The following STARD13 variants were observed in gnomAD, a reference collection of about 807,000 sequenced individuals.
The protein encoded by STARD13 is StAR related lipid transfer domain containing 13, also known as stAR-related lipid transfer protein 13.
Under a neutral mutation model 106.4 loss-of-function variants are expected in STARD13, and 62 were observed. That is an observed-to-expected ratio of 0.58 (90% confidence interval 0.48 to 0.72). The LOEUF is 0.72. Among genes scored for constraint, STARD13 ranks in the 30% least tolerant of loss-of-function variants. STARD13 has a pLI of 0.00. For missense variants in STARD13, 1,387 were observed against 1,424.0 expected (o/e 0.97, Z 0.42); for synonymous variants, 565 against 553.0 (o/e 1.02, Z -0.31).
At chr13:33,672,999 A>T in the STARD13 span, among the ~76,000 whole-genome samples, 2,027 of 152,354 alleles carry the variant, frequency 0.013, 39 homozygotes, top group African/African-American at 0.045. Flanking sequence ...CAATTTAAGC[A>T]TATGCATAAG....
chr13:33,666,414 C>T, the STARD13 span, among the ~76,000 whole-genome samples: 2 of 152,176 alleles, frequency 1.3e-5, no homozygotes, highest in African/African-American at 2.4e-5. Context: ...CTGCCTCAGC[C>T]TCCCAAGTAG....
chr13:33,194,004 G>T (rs1332054511), intron 1 of STARD13, among the ~76,000 whole-genome samples: 1 of 143,632 alleles, frequency 7.0e-6, no homozygotes, highest in African/African-American at 2.4e-5. Context: ...AGGTTTTCAG[G>T]TTGTTTTTTT....
downstream of STARD13, among the ~76,000 whole-genome samples, chr13:33,344,269 T>C (rs1177845218): frequency 6.6e-6 from 1 of 152,244 alleles, no homozygotes; most frequent in Non-Finnish European, 1.5e-5. Context: ...TCTTCTTTTC[T>C]AATTTTAATT....
chr13:33,640,728 G>A, the STARD13 span, among the ~76,000 whole-genome samples: 1 of 152,224 alleles, frequency 6.6e-6, no homozygotes, highest in South Asian at 2.1e-4. Flanking sequence ...GAGGAAGTGA[G>A]TACATGAGAA....
At chr13:33,433,194 T>C in the STARD13 span, among the ~76,000 whole-genome samples, 2 of 152,238 alleles carry the variant, frequency 1.3e-5, no homozygotes, top group African/African-American at 2.4e-5. Flanking sequence ...ATAATATTGT[T>C]TCTCTTTTGC....
At chr13:33,534,748 T>C in the STARD13 span, among the ~76,000 whole-genome samples, 171 of 152,314 alleles carry the variant, frequency 1.1e-3, 3 homozygotes, top group East Asian at 0.029. Context: ...ACTGGGCCTG[T>C]TTTAACATTA....
chr13:33,212,640 C>T (rs992144663), intron 1 of STARD13, among the ~76,000 whole-genome samples: 1 of 152,192 alleles, frequency 6.6e-6, no homozygotes, highest in Non-Finnish European at 1.5e-5. Context: ...TTGAGGTTCT[C>T]AGGTTCTCAG....
At chr13:33,252,233 T>A (rs1890126385) in intron 1 of STARD13, among the ~76,000 whole-genome samples, 1 of 152,162 alleles carries the variant, frequency 6.6e-6, no homozygotes, top group South Asian at 2.1e-4. Context: ...CTTTAATCCC[T>A]CTCCGGTTGC....
the STARD13 span, among the ~76,000 whole-genome samples, chr13:33,440,767 A>ATT: frequency 0.033 from 1,957 of 60,100 alleles, 165 homozygotes; most frequent in Non-Finnish European, 0.047. Context: ...GAAAACAGCG[A>ATT]TTTTTTTTTT....
chr13:33,208,995 GACT>G (rs1474461462), intron 1 of STARD13, among the ~76,000 whole-genome samples: 1 of 152,208 alleles, frequency 6.6e-6, no homozygotes, highest in Non-Finnish European at 1.5e-5. Flanking sequence ...ACAGCTACAA[GACT>G]ACTGTTGTCA....
chr13:33,547,132 G>A, the STARD13 span, among the ~76,000 whole-genome samples: 2 of 152,066 alleles, frequency 1.3e-5, no homozygotes, highest in African/African-American at 2.4e-5. Context: ...ATGATACAGT[G>A]TTTTCTTTTT....
intron 3 of STARD13, 86 bp downstream of exon 3, chr13:33,165,251 C>T (rs1566040232): frequency 2.2e-5 from 22 of 1,022,736 alleles, no homozygotes; most frequent in Middle Eastern, 2.0e-4. Context: ...GAATACTTGC[C>T]GAATAGCTGA....
At chr13:33,297,154 C>T (rs941694202) in intron 1 of STARD13, among the ~76,000 whole-genome samples, 4 of 152,216 alleles carry the variant, frequency 2.6e-5, no homozygotes, top group African/African-American at 9.6e-5. Flanking sequence ...CTTATCACAG[C>T]ACGCAGTGGC....
chr13:33,667,358 A>G, the STARD13 span, among the ~76,000 whole-genome samples: 5 of 152,252 alleles, frequency 3.3e-5, no homozygotes, highest in African/African-American at 1.2e-4. Context: ...CTTTGTGGGA[A>G]TAGAATGTCT....
At chr13:33,602,446 G>C in the STARD13 span, among the ~76,000 whole-genome samples, 2 of 152,180 alleles carry the variant, frequency 1.3e-5, no homozygotes, top group Non-Finnish European at 2.9e-5. Context: ...ACTGAAAAAG[G>C]TTCAAAAGCA....
At chr13:33,463,543 G>C in the STARD13 span, among the ~76,000 whole-genome samples, 1 of 152,110 alleles carries the variant, frequency 6.6e-6, no homozygotes, top group Non-Finnish European at 1.5e-5. Context: ...CAGTGTCCAA[G>C]ACCTGCCTCC....
chr13:33,132,969 T>C (rs1171084543), intron 4 of STARD13, among the ~76,000 whole-genome samples: 5 of 152,294 alleles, frequency 3.3e-5, no homozygotes, highest in Admixed American at 6.5e-5. Flanking sequence ...GTTGAACTTA[T>C]TGGATTTTTG....
At chr13:33,294,048 C>T (rs966706181) in intron 1 of STARD13, among the ~76,000 whole-genome samples, 2 of 152,178 alleles carry the variant, frequency 1.3e-5, no homozygotes, top group Non-Finnish European at 2.9e-5. Context: ...GACCATCAAA[C>T]AGGACAGTTT....
chr13:33,167,126 A>G (rs1281922982), intron 2 of STARD13, among the ~76,000 whole-genome samples: 9 of 152,236 alleles, frequency 5.9e-5, no homozygotes, highest in African/African-American at 2.2e-4. Context: ...CATATAAAGT[A>G]AACAGAATTA....
Sources: gnomAD v4.1 joint callset for allele counts (sites outside exome capture counted in the v4.1 genomes callset) on GRCh38, gnomAD v4.1.1 for gene constraint, MANE v1.5 for transcripts, NCBI Gene and HGNC (gene_info 2026-07-23, HGNC 2026-07-21) for gene names.